Variants in MAP2 observed in about 807,000 individuals in gnomAD.
The protein encoded by MAP2 is microtubule associated protein 2, also known as microtubule-associated protein 2.
In MAP2, 14 loss-of-function variants were observed where a neutral mutation model predicts 137.6. The ratio of observed to expected loss-of-function variants is 0.10; its 90% CI spans 0.07 to 0.16. The LOEUF (loss-of-function observed/expected upper bound fraction) is 0.16, where lower values mean the gene tolerates loss of function less well. Ranked by LOEUF, MAP2 falls within the 10% of genes least tolerant of loss-of-function variation. The pLI, the probability that MAP2 is intolerant of heterozygous loss-of-function variation, is 1.00. For synonymous variants in MAP2, 786 were observed against 782.3 expected (o/e 1.00, Z -0.08); for missense variants, 2,088 against 2,191.5 (o/e 0.95, Z 0.94).
intron 4 of MAP2, among the ~76,000 whole-genome samples, chr2:209,633,017 A>G (rs1327389853): frequency 6.6e-6 from 1 of 152,146 alleles, no homozygotes; most frequent in Non-Finnish European, 1.5e-5. Context: ...AACATATTAA[A>G]TGCCATTTAG....
rs556771461 is a variant in MAP2, at chr2:209,545,188, A to G, written c.-171-34848A>G. Among the ~76,000 whole-genome samples, 18 of 152,230 alleles carry G rather than the reference A, an allele frequency of 1.2e-4. No homozygotes were observed. The East Asian group carries it at 3.5e-3, about 29-fold the overall frequency. On this transcript the variant is annotated intron_variant, in intron 2 of 15. Transcript: ENST00000682079. ...GTTATTTATGCTCTACCACTTACTG[A>G]AGGTAGTTGTGAGTTTCCTGTAATG...
At chr2:209,504,436 T>C (rs1281184326) in intron 1 of MAP2, among the ~76,000 whole-genome samples, 1 of 152,174 alleles carries the variant, frequency 6.6e-6, no homozygotes, top group African/African-American at 2.4e-5. Context: ...AAATGATAAA[T>C]TGAGGCCTAA....
rs181801275 is a variant in MAP2 at position 209,679,696 on chromosome 2, G to T, written c.376+1011G>T. 5.3e-3 allele frequency among the ~76,000 whole-genome samples: 801 copies of T among 152,022 alleles called. 14 individuals carry two copies. Among genetic ancestry groups the T allele is most frequent in the African/African-American group, 0.018 (749 of 41,452 alleles). On this transcript the variant is annotated intron_variant, in intron 6 of 15. Transcript: ENST00000682079. ...GAATACACTCAGTATTTTCAGTACT[G>T]TGGGTTTTTTTAATTATTAAGGACT...
chr2:209,516,596 T>G (rs1019477342), intron 2 of MAP2, among the ~76,000 whole-genome samples: 2 of 152,124 alleles, frequency 1.3e-5, no homozygotes, highest in African/African-American at 4.8e-5. Context: ...CCTTTAAAAT[T>G]TATTTAAATT....
chr2:209,598,519 A>G (rs1446090209), intron 3 of MAP2, among the ~76,000 whole-genome samples: 1 of 150,548 alleles, frequency 6.6e-6, no homozygotes, highest in African/African-American at 2.4e-5. Context: ...ACATATGTAT[A>G]CATGTGCCAT....
chr2:209,592,791 T>G (rs1341452194), intron 3 of MAP2, among the ~76,000 whole-genome samples: 1 of 152,124 alleles, frequency 6.6e-6, no homozygotes, highest in Non-Finnish European at 1.5e-5. Flanking sequence ...CAGACTATTT[T>G]TAATGATATC....
chr2:209,450,944 T>C (rs1700163401), intron 1 of MAP2, among the ~76,000 whole-genome samples: 1 of 151,992 alleles, frequency 6.6e-6, no homozygotes, highest in Non-Finnish European at 1.5e-5. Flanking sequence ...TTTCTAATTC[T>C]ATAATCATTA....
rs116338194 is a variant in MAP2 at position 209,448,547 on chromosome 2, G to A, written c.-222+24271G>A. 8.4e-3 allele frequency among the ~76,000 whole-genome samples: 1,277 copies of A among 152,264 alleles called. 8 individuals are homozygous for A. The highest frequency in any genetic ancestry group is 0.012 in the Non-Finnish European group (835 of 68,018). ...AATGTATTCTCTTACAGTTCTGGAG[G>A]CCAGGGCTCTGAAATTAAGGTATTG... On this transcript the variant is annotated intron_variant, in intron 1 of 15. Transcript: ENST00000682079.
At chr2:209,705,022 A>G (rs2062972894) in intron 11 of MAP2, among the ~76,000 whole-genome samples, 1 of 151,878 alleles carries the variant, frequency 6.6e-6, no homozygotes, top group African/African-American at 2.4e-5. Context: ...ATCAGGGTTT[A>G]ATACTATCTC....
chr2:209,652,592 C>T (rs376509629), intron 4 of MAP2, among the ~76,000 whole-genome samples: 1 of 152,224 alleles, frequency 6.6e-6, no homozygotes, highest in South Asian at 2.1e-4. Flanking sequence ...GAAACCAAAA[C>T]GGCTAATATG....
At chr2:209,502,201 C>T (rs951448688) in intron 1 of MAP2, among the ~76,000 whole-genome samples, 1 of 152,132 alleles carries the variant, frequency 6.6e-6, no homozygotes, top group Non-Finnish European at 1.5e-5. Flanking sequence ...TAGGTTTAGT[C>T]ATCCTGTATA....
intron 4 of MAP2, among the ~76,000 whole-genome samples, chr2:209,630,829 T>G (rs2153547772): frequency 6.6e-6 from 1 of 151,384 alleles, no homozygotes; most frequent in South Asian, 2.1e-4. Flanking sequence ...CTTCACATAC[T>G]TAGGTATATT....
At chr2:209,564,599 A>T (rs1201433816) in intron 2 of MAP2, among the ~76,000 whole-genome samples, 3 of 146,938 alleles carry the variant, frequency 2.0e-5, no homozygotes, top group Admixed American at 6.8e-5. Flanking sequence ...AGCCAGGGGT[A>T]GCCACAACCT....
chr2:209,457,285 G>A (rs774947486), intron 1 of MAP2, among the ~76,000 whole-genome samples: 3 of 152,066 alleles, frequency 2.0e-5, no homozygotes, highest in Non-Finnish European at 4.4e-5. Flanking sequence ...ACTTTCACTG[G>A]GTCTGGCAAA....
At chr2:209,651,828 G>A (rs148943027) in intron 4 of MAP2, among the ~76,000 whole-genome samples, 1 of 152,146 alleles carries the variant, frequency 6.6e-6, no homozygotes, top group African/African-American at 2.4e-5. Context: ...GAGAGCGGAG[G>A]ATAGCAACAA....
At chr2:209,698,173 A>G (rs1029625355) in intron 10 of MAP2, among the ~76,000 whole-genome samples, 3 of 152,092 alleles carry the variant, frequency 2.0e-5, no homozygotes, top group African/African-American at 7.2e-5. Flanking sequence ...ACTCTTCTTC[A>G]AATACATATT....
chr2:209,428,007 A>G (rs1693046613), intron 1 of MAP2, among the ~76,000 whole-genome samples: 2 of 152,212 alleles, frequency 1.3e-5, no homozygotes, highest in Non-Finnish European at 2.9e-5. Context: ...CTCCCCTGTC[A>G]TGTCTTTGAA....
intron 1 of MAP2, among the ~76,000 whole-genome samples, chr2:209,501,365 T>G (rs17237719): frequency 6.6e-6 from 1 of 152,134 alleles, no homozygotes; most frequent in African/African-American, 2.4e-5. Context: ...TCAGGCCTAT[T>G]TGAGTTTGAC....
chr2:209,533,639 A>G (rs2065484114), intron 2 of MAP2, among the ~76,000 whole-genome samples: 1 of 152,202 alleles, frequency 6.6e-6, no homozygotes, highest in Admixed American at 6.5e-5. Context: ...TTATTTTTTA[A>G]TAGGATACAG....
Sources: allele counts gnomAD v4.1 joint callset (sites outside exome capture counted in the v4.1 genomes callset), GRCh38; gene constraint gnomAD v4.1.1; transcripts MANE v1.5; gene names NCBI Gene and HGNC (gene_info 2026-07-23, HGNC 2026-07-21).